STK3: variants seen among roughly 807,000 people sequenced by gnomAD.
STK3 encodes serine/threonine-protein kinase 3.
Under a neutral mutation model 58.0 loss-of-function variants are expected in STK3, and 41 were observed. The observed-to-expected ratio is 0.71, with a 90% confidence interval of 0.55 to 0.92. The LOEUF (loss-of-function observed/expected upper bound fraction) is 0.92, where lower values mean the gene tolerates loss of function less well. STK3 is among the 40% of genes least tolerant of loss of function. The pLI is 0.00. For missense variants in STK3, 479 were observed against 602.7 expected, an observed-to-expected ratio of 0.79 and a Z score of 2.15; for synonymous variants, 170 against 191.0, an observed-to-expected ratio of 0.89 and a Z score of 0.91.
intron 7 of STK3, among the ~76,000 whole-genome samples, chr8:98,582,098 C>G (rs994220598): frequency 2.6e-5 from 4 of 152,072 alleles, no homozygotes; most frequent in African/African-American, 9.7e-5. Context: ...ACTTTTCAAG[C>G]AGTCTCAATT....
chr8:98,776,213 C>T lies in STK3; in HGVS notation c.27-1394G>A, dbSNP rs201099499. Among the ~76,000 whole-genome samples, 8 of 152,284 alleles carry T rather than the reference C, an allele frequency of 5.3e-5. No homozygotes were observed. The East Asian group carries it at 1.5e-3, about 29-fold the overall frequency. The stretch of plus-strand genomic sequence containing the variant: ...CTGGGAGGTGCTAATGCAGAAGGCA[C>T]ACTAAGTGTAAACCTGCTGTGTGGG... On this transcript the variant is annotated intron_variant, in intron 1 of 10. Transcript: ENST00000419617.
intron 2 of STK3, among the ~76,000 whole-genome samples, chr8:98,435,572 G>A (rs1233767816): frequency 1.3e-5 from 2 of 152,112 alleles, no homozygotes; most frequent in African/African-American, 4.8e-5. Flanking sequence ...GGAGTGGGGT[G>A]GGGAGGAGGG....
chr8:98,619,325 T>C (rs1197307320), intron 6 of STK3, among the ~76,000 whole-genome samples: 1 of 151,622 alleles, frequency 6.6e-6, no homozygotes, highest in Non-Finnish European at 1.5e-5. Context: ...CAAGATGGAG[T>C]AAAGATTTAA....
intron 6 of STK3, among the ~76,000 whole-genome samples, chr8:98,648,650 C>T (rs540133508): frequency 2.0e-5 from 3 of 152,156 alleles, no homozygotes; most frequent in South Asian, 2.1e-4. Flanking sequence ...CCCTGTACTT[C>T]GGGAAGCCAA....
intron 9 of STK3, among the ~76,000 whole-genome samples, chr8:98,533,117 G>C (rs937552436): frequency 2.0e-5 from 3 of 151,836 alleles, no homozygotes; most frequent in Non-Finnish European, 4.4e-5. Context: ...ATGAACACTT[G>C]GGTTTTTCTA....
intron 4 of STK3, among the ~76,000 whole-genome samples, chr8:98,743,554 C>T (rs1007394346): frequency 6.6e-6 from 1 of 152,118 alleles, no homozygotes; most frequent in Non-Finnish European, 1.5e-5. Flanking sequence ...GAAACTGGAT[C>T]CCTTCCTTAC....
chr8:98,469,555 G>T (rs938635412), intron 10 of STK3, among the ~76,000 whole-genome samples: 4 of 152,222 alleles, frequency 2.6e-5, no homozygotes, highest in African/African-American at 9.6e-5. Context: ...TTGGGGGACA[G>T]CACAAAGAAT....
At chr8:98,567,133 T>C (rs117554958) in intron 8 of STK3, among the ~76,000 whole-genome samples, 1,987 of 152,316 alleles carry the variant, frequency 0.013, 21 homozygotes, top group Non-Finnish European at 0.02. Context: ...GGTCCAAGCT[T>C]GTACTTTCGT....
At chr8:98,940,892 C>G (rs556449564) in intron 1 of STK3, among the ~76,000 whole-genome samples, 4 of 152,260 alleles carry the variant, frequency 2.6e-5, no homozygotes, top group Admixed American at 2.0e-4. Context: ...ACAAAGGACC[C>G]GACGGTGGGT....
At position 98,859,255 on chromosome 8, in the gene STK3, G is replaced by A. The variant is rs77218343; in HGVS notation, c.110+24392C>T. Among the ~76,000 whole-genome samples, 1,111 of 152,224 alleles carry A rather than the reference G, an allele frequency of 7.3e-3. 22 individuals are homozygous for A. In the East Asian group the frequency reaches 0.084, roughly 11 times the overall value. On this transcript the variant is annotated intron_variant, in intron 3 of 12. Transcript: ENST00000523601. The stretch of plus-strand genomic sequence containing the variant: ...GTATTTCCTGAGGAAGCAATTCTGG[G>A]TCAGTCCAATTTAATGGTTTATTAT...
chr8:98,848,479 C>T (rs1211738583), intron 3 of STK3, among the ~76,000 whole-genome samples: 1 of 152,118 alleles, frequency 6.6e-6, no homozygotes, highest in Non-Finnish European at 1.5e-5. Context: ...GAACTCCTGA[C>T]CTCAGGTGAT....
chr8:98,664,406 T>A (rs893291858), intron 6 of STK3, among the ~76,000 whole-genome samples: 1 of 152,230 alleles, frequency 6.6e-6, no homozygotes, highest in African/African-American at 2.4e-5. Flanking sequence ...TAGGGTTAAC[T>A]ATCTGTGAGA....
At chr8:98,542,533 G>A (rs1389052057) in intron 9 of STK3, among the ~76,000 whole-genome samples, 1 of 152,156 alleles carries the variant, frequency 6.6e-6, no homozygotes, top group Admixed American at 6.5e-5. Flanking sequence ...GGTCTTGGAG[G>A]AGGCAGGGAA....
chr8:98,757,137 T>C (rs927385370), intron 3 of STK3, among the ~76,000 whole-genome samples: 22 of 152,026 alleles, frequency 1.4e-4, no homozygotes, highest in Non-Finnish European at 1.3e-4. Flanking sequence ...TCCATAGCAA[T>C]AGTCTCTTGA....
At chr8:98,709,023 G>A (rs1826187478) in intron 4 of STK3, among the ~76,000 whole-genome samples, 1 of 151,966 alleles carries the variant, frequency 6.6e-6, no homozygotes, top group East Asian at 1.9e-4. Flanking sequence ...GGGCTGCAAG[G>A]AGAGAGGGGG....
chr8:98,699,971 A>C (rs4735573), intron 6 of STK3, among the ~76,000 whole-genome samples: 9 of 152,194 alleles, frequency 5.9e-5, no homozygotes, highest in Non-Finnish European at 8.8e-5. Flanking sequence ...TCCAGAGGTG[A>C]AGCCTACAGA....
chr8:98,586,919 T>C (rs1814666988), intron 7 of STK3, among the ~76,000 whole-genome samples: 1 of 151,984 alleles, frequency 6.6e-6, no homozygotes, highest in Non-Finnish European at 1.5e-5. Context: ...TGGTAGTTTG[T>C]ATTTCTGTGG....
chr8:98,631,740 C>T (rs752999013), intron 6 of STK3, among the ~76,000 whole-genome samples: 15 of 152,246 alleles, frequency 9.9e-5, no homozygotes, highest in Non-Finnish European at 2.2e-4. Context: ...CCTCGGCTCA[C>T]TGCAACCTCC....
chr8:98,356,293 G>T, the STK3 span, among the ~76,000 whole-genome samples: 1 of 152,198 alleles, frequency 6.6e-6, no homozygotes, highest in African/African-American at 2.4e-5. Context: ...TAAAGTTGGA[G>T]ATTTCTTTCT....
Sources: allele counts gnomAD v4.1 joint callset (sites outside exome capture counted in the v4.1 genomes callset), GRCh38; gene constraint gnomAD v4.1.1; transcripts MANE v1.5; gene names NCBI Gene and HGNC (gene_info 2026-07-23, HGNC 2026-07-21).